ZNF595: variants seen among roughly 807,000 people sequenced by gnomAD.
ZNF595 encodes zinc finger protein 595.
In ZNF595, 9 loss-of-function variants were observed where a neutral mutation model predicts 19.4. The ratio of observed to expected loss-of-function variants is 0.46; its 90% CI spans 0.28 to 0.81. The LOEUF is 0.81. Among genes scored for constraint, ZNF595 ranks in the 30% least tolerant of loss-of-function variants. ZNF595 has a pLI of 0.11. For synonymous variants in ZNF595, 255 were observed against 255.9 expected (o/e 1.00, Z 0.03); for missense variants, 729 against 736.0 (o/e 0.99, Z 0.11).
At chr4:69,991 GA>G (rs1713360271) in intron 3 of ZNF595, among the ~76,000 whole-genome samples, 1 of 152,126 alleles carries the variant, frequency 6.6e-6, no homozygotes, top group Admixed American at 6.5e-5. Context: ...AGTCCAGCTG[GA>G]TGTCCGGGCC....
In ZNF595 at chr4:86,538, G is replaced by A. The variant is rs782288087; in HGVS notation, c.1034G>A (p.Cys345Tyr). ...TGEKPYTCEK[C>Y]GKAFNQSSSL... ...GAAAAACCCTACACATGTGAAAAATGTGGCAAAGCTTTTAACCAATCCTCA... is the reference window on the plus strand; with the variant it reads ...GAAAAACCCTACACATGTGAAAAATATGGCAAAGCTTTTAACCAATCCTCA... The change falls in exon 4 of 4, where the codon TGT (cysteine) becomes TAT (tyrosine). Residue 345 changes from cysteine (C) to tyrosine (Y), a missense_variant. By Grantham distance (194) the Cys-to-Tyr change is radical. Transcript: ENST00000610261. The A allele has an allele frequency of 1.2e-6, 2 of 1,613,912 alleles. No homozygotes were observed. Among genetic ancestry groups the A allele is most frequent in the Non-Finnish European group, 8.5e-7 (1 of 1,179,884 alleles).
intron 3 of ZNF595, among the ~76,000 whole-genome samples, chr4:78,981 C>A (rs1038183555): frequency 1.3e-5 from 2 of 152,216 alleles, no homozygotes; most frequent in African/African-American, 4.8e-5. Context: ...GCATGGGCCA[C>A]CACCCCCGGC....
intron 3 of ZNF595, among the ~76,000 whole-genome samples, chr4:77,165 T>C (rs782220901): frequency 1.3e-5 from 2 of 151,952 alleles, no homozygotes; most frequent in Admixed American, 6.6e-5. Context: ...AACTGTCAAA[T>C]GACTTAATTT....
intron 3 of ZNF595, chr4:68,391 T>C (rs1412411402): frequency 6.6e-6 from 1 of 151,804 alleles, no homozygotes; most frequent in Non-Finnish European, 1.5e-5. Context: ...CATGCTGTAT[T>C]GGGAGGAGGT....
At chr4:74,741 A>C (rs1581377605) in intron 3 of ZNF595, among the ~76,000 whole-genome samples, 1 of 152,128 alleles carries the variant, frequency 6.6e-6, no homozygotes, top group Non-Finnish European at 1.5e-5. Context: ...GAGACAAATG[A>C]TTGCATTCTT....
Position 86,932 on chromosome 4 carries a change from C to T in ZNF595, c.1428C>T (p.Gly476=), listed in dbSNP as rs61739731. 24 of 1,590,244 alleles carry T rather than the reference C, an allele frequency of 1.5e-5. No individual in the cohort carries two copies. The highest frequency in any genetic ancestry group is 1.2e-4 in the African/African-American group (8 of 69,296). Residue 476 remains glycine (G), a synonymous_variant, in exon 4 of 4, where the codon GGC becomes GGT. Transcript: ENST00000610261. ...TLNEHKKIHT[G]EKPYKCEECG... ...ACGAACATAAGAAAATTCATACTGG[C>T]GAGAAACCCTACAAATGTGAAGAAT...
At chr4:62,426 A>G (rs1249252377) in intron 3 of ZNF595, among the ~76,000 whole-genome samples, 1 of 54,100 alleles carries the variant, frequency 1.8e-5, no homozygotes, top group African/African-American at 6.2e-5. Context: ...TTTAAGCAAA[A>G]CTAAAATGAA....
intron 3 of ZNF595, among the ~76,000 whole-genome samples, chr4:83,407 A>G (rs1196381452): frequency 6.6e-6 from 1 of 151,978 alleles, no homozygotes; most frequent in East Asian, 1.9e-4. Flanking sequence ...TCACGAGGTC[A>G]GGAGATTGAG....
intron 3 of ZNF595, among the ~76,000 whole-genome samples, chr4:75,286 A>G (rs1401085138): frequency 4.6e-5 from 7 of 152,252 alleles, no homozygotes; most frequent in African/African-American, 1.7e-4. Context: ...CTTAGCGCAC[A>G]ATCCTGGATG....
At chr4:82,659 C>CA in intron 3 of ZNF595, among the ~76,000 whole-genome samples, 1 of 152,118 alleles carries the variant, frequency 6.6e-6, no homozygotes, top group South Asian at 2.1e-4. Flanking sequence ...GCTTGGATTA[C>CA]AGGCATGAGC....
In ZNF595 at chr4:87,715, ATT is replaced by A. The variant is rs33985555; in HGVS notation, c.*286_*287del. On this transcript the variant is annotated 3_prime_UTR_variant, in exon 4 of 4. Coordinates refer to ENST00000610261, the MANE Select transcript of ZNF595 (RefSeq NM_182524.4). The stretch of plus-strand genomic sequence containing the variant: ...ACACACAGTCCAGTTATACACTTTA[ATT>A]TTTTTTTTTTTTTTTTTTTTTGAGA... The A allele has an allele frequency of 9.3e-3, 1,100 of 117,706 alleles. 2 individuals carry two copies. The highest frequency in any genetic ancestry group is 0.053 in the Middle Eastern group (10 of 188). 7.3% of individuals were successfully genotyped at this position (117,706 alleles called of 1,614,324 possible). A position where few individuals can be genotyped will look rare whatever the true frequency, so the allele number is the denominator to read the frequency against.
At position 86,208 on chromosome 4, in the gene ZNF595, A is replaced by G. The variant is rs549095895; in HGVS notation, c.704A>G (p.Lys235Arg). The part of the protein sequence containing the change: ...EKPYTCEECG[K>R]AFRRSTVLNE... Reference sequence around the variant, plus strand: ...CCCTACACATGTGAAGAATGTGGCAAAGCCTTTAGACGGTCCACAGTTCTG... The same window carrying G: ...CCCTACACATGTGAAGAATGTGGCAGAGCCTTTAGACGGTCCACAGTTCTG... Residue 235 changes from lysine to arginine, a missense_variant, in exon 4 of 4, where the codon AAA becomes AGA. Lys to Arg is a conservative substitution (Grantham distance 26). Around this residue, in one of 2 missense-constraint regions of ZNF595, gnomAD observed 729 missense variants for 675.3 expected, o/e 1.08. Coordinates refer to ENST00000610261, the MANE Select transcript of ZNF595 (RefSeq NM_182524.4). 104 of 1,613,894 alleles carry G rather than the reference A, an allele frequency of 6.4e-5. 1 individual carries two copies. In the African/African-American group the frequency reaches 1.3e-3, roughly 20 times the overall value.
In ZNF595 at chr4:82,371, G is replaced by GTTTTTTT. The variant is rs1560092266; in HGVS notation, c.227-3360_227-3359insTTTTTTT. Among the ~76,000 whole-genome samples, 90 of 97,710 alleles carry GTTTTTTT rather than the reference G, an allele frequency of 9.2e-4. 5 individuals carry two copies. The highest frequency in any genetic ancestry group is 1.2e-3 in the African/African-American group (32 of 27,404). 64.1% of individuals were successfully genotyped at this position (97,710 alleles called of 152,430 possible). ...ACAAAAGTCCATTTTTTTGGTTTGTGGTTTTTTTTTTTTTTTTTTTTTTTT... is the reference window on the plus strand; with the variant it reads ...ACAAAAGTCCATTTTTTTGGTTTGTGTTTTTTTGTTTTTTTTTTTTTTTTTTTTTTTT... On this transcript the variant is annotated intron_variant, in intron 3 of 3. Coordinates refer to ENST00000610261, the MANE Select transcript of ZNF595 (RefSeq NM_182524.4).
In ZNF595 at chr4:87,316, C is replaced by G. The variant is rs1553802083; in HGVS notation, c.1812C>G (p.Ser604=). Reference sequence around the variant, plus strand: ...AATGTGGCAAAGCCTTCAATTGGTCCTCATCCCTTACTAAACATAAGATAA... The same window carrying G: ...AATGTGGCAAAGCCTTCAATTGGTCGTCATCCCTTACTAAACATAAGATAA... ...CEECGKAFNW[S]SSLTKHKIIH... Residue 604 remains serine (S), a synonymous_variant, in exon 4 of 4, where the codon TCC becomes TCG. Transcript: ENST00000610261. The G allele has an allele frequency of 1.9e-6, 3 of 1,613,582 alleles. No individual in the cohort carries two copies. Among genetic ancestry groups the G allele is most frequent in the Admixed American group, 1.7e-5 (1 of 59,948 alleles).
chr4:78,552 G>A (rs895848311), intron 3 of ZNF595, among the ~76,000 whole-genome samples: 14 of 152,102 alleles, frequency 9.2e-5, no homozygotes, highest in African/African-American at 3.4e-4. Context: ...TCTTGTGTAC[G>A]TGAGTAATCA....
intron 3 of ZNF595, among the ~76,000 whole-genome samples, chr4:79,492 C>G (rs1713814189): frequency 6.6e-6 from 1 of 152,138 alleles, no homozygotes; most frequent in South Asian, 2.1e-4. Context: ...CTGTCTTTTT[C>G]CAGCTGTGTG....
At position 85,901 on chromosome 4, in the gene ZNF595, GT is replaced by G; in HGVS notation, c.400del (p.Tyr134ThrfsTer32). The G allele has an allele frequency of 6.2e-7, 1 of 1,613,974 alleles. No homozygotes were observed. The highest frequency in any genetic ancestry group is 8.5e-7 in the Non-Finnish European group (1 of 1,179,922). ...CKVQKGVNNG[V>X]YQCLSTTQSK... ...GGTGCAGAAAGGAGTTAATAATGGA[GT>G]TTACCAGTGCTTGTCAACTACCCAG... On this transcript the variant is annotated frameshift_variant, in exon 4 of 4. Coordinates refer to ENST00000610261, the MANE Select transcript of ZNF595 (RefSeq NM_182524.4). LOFTEE classifies it low-confidence loss of function (END_TRUNC).
chr4:66,688 T>C (rs2108750856), intron 3 of ZNF595, among the ~76,000 whole-genome samples: 1 of 152,316 alleles, frequency 6.6e-6, no homozygotes, highest in South Asian at 2.1e-4. Flanking sequence ...CACCATCTAT[T>C]GAAGAGACTG....
In ZNF595 at chr4:87,207, A is replaced by G; in HGVS notation, c.1703A>G (p.Glu568Gly). The change falls in exon 4 of 4, where the codon GAA becomes GGA. Residue 568 changes from glutamate to glycine, a missense_variant. Glu to Gly is a moderately conservative substitution (Grantham distance 98, BLOSUM62 -2). Around this residue, in one of 2 missense-constraint regions of ZNF595, gnomAD observed 729 missense variants for 675.3 expected, o/e 1.08. Transcript: ENST00000610261. ...GGAGAGAAACCCTACAAATGCAAAG[A>G]ATGTGGCAAAGCCTATAACTTATCC... ...HSGEKPYKCKECGKAYNLSST... is the reference protein window; with the variant it reads ...HSGEKPYKCKGCGKAYNLSST... 1 of 1,595,472 alleles carries G rather than the reference A, an allele frequency of 6.3e-7. No homozygotes were observed. Among genetic ancestry groups the G allele is most frequent in the Non-Finnish European group, 8.6e-7 (1 of 1,167,774 alleles).
Sources: gnomAD v4.1 joint callset for allele counts (sites outside exome capture counted in the v4.1 genomes callset) on GRCh38, gnomAD v4.1.1 for gene constraint, gnomAD v4.1.1 regional missense constraint, MANE v1.5 for transcripts, NCBI Gene and HGNC (gene_info 2026-07-23, HGNC 2026-07-21) for gene names.